GPHN: variants seen among roughly 807,000 people sequenced by gnomAD.
GPHN encodes the protein gephyrin.
Under a neutral mutation model 95.5 loss-of-function variants are expected in GPHN, and 17 were observed. That is an observed-to-expected ratio of 0.18 (90% CI 0.12 to 0.27). GPHN has a LOEUF of 0.27. Among genes scored for constraint, GPHN ranks in the 10% least tolerant of loss-of-function variants. The probability of loss-of-function intolerance (pLI) is 1.00; values close to 1 mark genes in which losing one functional copy is unlikely to be tolerated. For synonymous variants in GPHN, 320 were observed against 322.5 expected (o/e 0.99, Z 0.08); for missense variants, 660 against 978.1 (o/e 0.67, Z 4.34).
the GPHN span, among the ~76,000 whole-genome samples, chr14:67,477,104 T>G: frequency 6.6e-6 from 1 of 151,480 alleles, no homozygotes; most frequent in Non-Finnish European, 1.5e-5. Context: ...AGGTGGAGGT[T>G]GCAGTGAGTC....
chr14:67,163,379 A>G (rs979298126), intron 19 of GPHN, among the ~76,000 whole-genome samples: 3 of 152,120 alleles, frequency 2.0e-5, no homozygotes, highest in Admixed American at 6.5e-5. Flanking sequence ...CAATATAACT[A>G]TTGCTACTAT....
chr14:67,119,072 T>C (rs2078863920), intron 16 of GPHN, among the ~76,000 whole-genome samples: 2 of 152,202 alleles, frequency 1.3e-5, no homozygotes, highest in South Asian at 4.1e-4. Context: ...ATTTGTAAAA[T>C]AGGTGAATTG....
the GPHN span, chr14:67,585,727 T>A: frequency 2.3e-5 from 28 of 1,231,616 alleles, no homozygotes; most frequent in Non-Finnish European, 3.1e-5. Flanking sequence ...CTCTGTGGAC[T>A]CAAAAGCCTG....
At chr14:67,097,832 T>G (rs906992463) in intron 12 of GPHN, among the ~76,000 whole-genome samples, 5 of 151,558 alleles carry the variant, frequency 3.3e-5, no homozygotes, top group Non-Finnish European at 3.0e-5. Context: ...AGAAATACAT[T>G]AAATATATTA....
At chr14:66,907,546 C>T (rs1326263741) in intron 5 of GPHN, among the ~76,000 whole-genome samples, 3 of 151,958 alleles carry the variant, frequency 2.0e-5, no homozygotes, top group Non-Finnish European at 2.9e-5. Context: ...AACTTTATCA[C>T]AAGGAAGGCT....
the GPHN span, among the ~76,000 whole-genome samples, chr14:67,194,866 C>A: frequency 6.6e-6 from 1 of 152,134 alleles, no homozygotes; most frequent in South Asian, 2.1e-4. Flanking sequence ...CAACGTTGGC[C>A]AGGCTGATCT....
chr14:67,575,103 C>T, the GPHN span, among the ~76,000 whole-genome samples: 6 of 152,192 alleles, frequency 3.9e-5, no homozygotes, highest in Admixed American at 3.9e-4. Flanking sequence ...CTTCTGCCAC[C>T]TAGCAAGTTC....
chr14:67,189,759 C>A, the GPHN span: 1 of 151,776 alleles, frequency 6.6e-6, no homozygotes, highest in African/African-American at 2.4e-5. Context: ...CACCTGGTGA[C>A]TGCTTTTCTT....
the GPHN span, chr14:67,569,097 A>G: frequency 7.1e-7 from 1 of 1,405,986 alleles, no homozygotes; most frequent in Non-Finnish European, 1.0e-6. Context: ...TGGGATGGGC[A>G]TCATGCCGGG....
At chr14:66,853,689 A>C (rs1257336608) in intron 4 of GPHN, among the ~76,000 whole-genome samples, 1 of 152,212 alleles carries the variant, frequency 6.6e-6, no homozygotes, top group East Asian at 1.9e-4. Context: ...CAAGGGGATT[A>C]TTACAATTCA....
At chr14:66,542,882 C>G (rs117080212) in intron 1 of GPHN, among the ~76,000 whole-genome samples, 1,675 of 152,198 alleles carry the variant, frequency 0.011, 14 homozygotes, top group South Asian at 0.016. Flanking sequence ...GAAATGCCTG[C>G]GACTAGGTAA....
chr14:66,513,524 A>C (rs955232736), intron 1 of GPHN, among the ~76,000 whole-genome samples: 1 of 151,830 alleles, frequency 6.6e-6, no homozygotes, highest in Non-Finnish European at 1.5e-5. Context: ...TTCTGTAAAT[A>C]GGATTGAAGA....
At chr14:67,071,780 C>T (rs1199641601) in intron 11 of GPHN, among the ~76,000 whole-genome samples, 1 of 151,366 alleles carries the variant, frequency 6.6e-6, no homozygotes, top group Non-Finnish European at 1.5e-5. Flanking sequence ...CATATTCACT[C>T]TTAAAAAAAA....
At chr14:67,199,677 G>A in the GPHN span, 50 of 1,578,572 alleles carry the variant, frequency 3.2e-5, no homozygotes, top group Middle Eastern at 3.3e-4. Context: ...CAGCCTGACC[G>A]CCCTCATCAG....
chr14:66,665,619 T>G (rs1360644386), intron 1 of GPHN, among the ~76,000 whole-genome samples: 2 of 152,190 alleles, frequency 1.3e-5, no homozygotes, highest in Admixed American at 1.3e-4. Context: ...GGAGGGGATG[T>G]GGAGAAATAG....
intron 4 of GPHN, among the ~76,000 whole-genome samples, chr14:66,858,960 T>C (rs1010488342): frequency 6.6e-6 from 1 of 152,116 alleles, no homozygotes; most frequent in African/African-American, 2.4e-5. Flanking sequence ...CTGTGTCTCA[T>C]GATTTGAGTG....
chr14:67,088,923 G>T, intron 11 of GPHN, 60 bp from the exon 12 acceptor site: 1 of 933,816 alleles, frequency 1.1e-6, no homozygotes, highest in South Asian at 1.3e-5. Context: ...TCTTGTTTAT[G>T]ACTGCCTGCT....
chr14:67,314,350 CATA>C, the GPHN span, among the ~76,000 whole-genome samples: 2 of 152,186 alleles, frequency 1.3e-5, no homozygotes, highest in African/African-American at 2.4e-5. Context: ...GAGATTTCAA[CATA>C]ATATTTACAT....
At chr14:67,557,614 G>C in the GPHN span, among the ~76,000 whole-genome samples, 24 of 152,366 alleles carry the variant, frequency 1.6e-4, no homozygotes, top group African/African-American at 5.5e-4. Flanking sequence ...CCAGGCAGGG[G>C]ATAGAGTAGA....
Sources: gnomAD v4.1 joint callset for allele counts (sites outside exome capture counted in the v4.1 genomes callset) on GRCh38, gnomAD v4.1.1 for gene constraint, MANE v1.5 for transcripts, NCBI Gene and HGNC (gene_info 2026-07-23, HGNC 2026-07-21) for gene names.